Variants in TOM1L2 observed in about 807,000 individuals in gnomAD.
The protein encoded by TOM1L2 is TOM1-like protein 2.
In TOM1L2, 31 loss-of-function variants were observed where a neutral mutation model predicts 67.9. The ratio of observed to expected loss-of-function variants is 0.46; its 90% CI spans 0.34 to 0.62. The LOEUF is 0.62. Among genes scored for constraint, TOM1L2 ranks in the 20% least tolerant of loss-of-function variants. The pLI, the probability that TOM1L2 is intolerant of heterozygous loss-of-function variation, is 0.01. For missense variants in TOM1L2, 606 were observed against 663.5 expected, an observed-to-expected ratio of 0.91 and a Z score of 0.95; for synonymous variants, 256 against 254.0, an observed-to-expected ratio of 1.01 and a Z score of -0.07.
At chr17:17,862,963 T>TGGGGGGGGGG in intron 10 of TOM1L2, 115 bp from the exon 11 acceptor site, 1 of 176,174 alleles carries the variant, frequency 5.7e-6, no homozygotes, top group Admixed American at 7.5e-5. Flanking sequence ...ATGGGGAGGG[T>TGGGGGGGGGG]GGGGCGGGAC....
At chr17:17,922,163 C>T (rs1165408137) in intron 1 of TOM1L2, among the ~76,000 whole-genome samples, 1 of 152,192 alleles carries the variant, frequency 6.6e-6, no homozygotes, top group African/African-American at 2.4e-5. Context: ...ATCCAGGACA[C>T]AGGGCACAGA....
In TOM1L2 at chr17:17,861,459, CAG is replaced by C. The variant is rs1332463069; in HGVS notation, c.1278+15_1278+16del. ...CTCCAGAAGACTCCAGGCAGAAAAACAGGGTTAAAGACCTACCCCTTCTGAAC... is the reference window on the plus strand; with the variant it reads ...CTCCAGAAGACTCCAGGCAGAAAAACGGTTAAAGACCTACCCCTTCTGAAC... On this transcript the variant is annotated intron_variant, in intron 12 of 14. Transcript: ENST00000379504. 1 of 1,611,602 alleles carries C rather than the reference CAG, an allele frequency of 6.2e-7. No homozygotes were observed. Among genetic ancestry groups the C allele is most frequent in the Non-Finnish European group, 8.5e-7 (1 of 1,178,380 alleles).
chr17:17,930,207 C>A (rs2040269129), intron 1 of TOM1L2, among the ~76,000 whole-genome samples: 1 of 152,202 alleles, frequency 6.6e-6, no homozygotes, highest in Non-Finnish European at 1.5e-5. Flanking sequence ...ATTATGCAGT[C>A]ATTTTACCGA....
intron 7 of TOM1L2, among the ~76,000 whole-genome samples, chr17:17,876,382 T>C (rs1243982504): frequency 6.6e-6 from 1 of 152,212 alleles, no homozygotes; most frequent in African/African-American, 2.4e-5. Context: ...CTCCCTGTGG[T>C]GGGCTGCCAA....
intron 1 of TOM1L2, among the ~76,000 whole-genome samples, chr17:17,936,612 T>C (rs928079777): frequency 1.3e-5 from 2 of 152,130 alleles, no homozygotes; most frequent in African/African-American, 4.8e-5. Context: ...ATTAGAGGAA[T>C]GGTAACATGA....
intron 10 of TOM1L2, among the ~76,000 whole-genome samples, chr17:17,865,813 C>CGGCTCA (rs2036817503): frequency 7.1e-6 from 1 of 141,714 alleles, no homozygotes; most frequent in African/African-American, 2.6e-5. Flanking sequence ...GATGCGATAT[C>CGGCTCA]GGCTCACTGC....
At chr17:17,866,458 T>TG (rs751704990) in intron 9 of TOM1L2, 39 bp from the exon 10 acceptor site, 4 of 1,543,446 alleles carry the variant, frequency 2.6e-6, no homozygotes, top group Non-Finnish European at 3.5e-6. Flanking sequence ...CCCAGAACCC[T>TG]GGAGTCAGGC....
chr17:17,893,916 T>C lies in TOM1L2; in HGVS notation c.217-106A>G, dbSNP rs2038422872. On this transcript the variant is annotated intron_variant, in intron 3 of 14. Transcript: ENST00000379504. ...TCCACCATCCCCTCTGTCTTGCTCC[T>C]AGATCAGCTTTCTGACACGTCTCCT... is the stretch of plus-strand genomic sequence containing the variant. 2.5e-6 allele frequency: 3 copies of C among 1,196,114 alleles called. No homozygotes were observed. In the South Asian group the frequency reaches 4.5e-5, roughly 18 times the overall value. 74.1% of individuals were successfully genotyped at this position (1,196,114 alleles called of 1,614,324 possible).
intron 4 of TOM1L2, among the ~76,000 whole-genome samples, chr17:17,889,314 C>A (rs984327203): frequency 1.3e-5 from 2 of 152,168 alleles, no homozygotes; most frequent in African/African-American, 4.8e-5. Flanking sequence ...GGCAAAGGTG[C>A]CACTGGGTAG....
At chr17:17,864,499 C>CG (rs531567930) in intron 10 of TOM1L2, among the ~76,000 whole-genome samples, 57 of 151,248 alleles carry the variant, frequency 3.8e-4, no homozygotes, top group African/African-American at 1.2e-3. Flanking sequence ...CGTTAGCCAC[C>CG]GCACCCGGCT....
chr17:17,946,839 C>T (rs1187614304), intron 1 of TOM1L2, among the ~76,000 whole-genome samples: 3 of 152,148 alleles, frequency 2.0e-5, no homozygotes, highest in Non-Finnish European at 4.4e-5. Flanking sequence ...ATTCTCCTGC[C>T]TCAGCCTCCC....
chr17:17,861,587 T>C (rs533791404), intron 11 of TOM1L2, 36 bp from the exon 12 acceptor site: 1 of 1,598,380 alleles, frequency 6.3e-7, no homozygotes, highest in Admixed American at 1.7e-5. Context: ...AGAGTTCATT[T>C]TCCTCCAGTG....
intron 1 of TOM1L2, among the ~76,000 whole-genome samples, chr17:17,922,441 C>T (rs192763013): frequency 2.2e-4 from 33 of 152,200 alleles, no homozygotes; most frequent in Middle Eastern, 3.4e-3. Flanking sequence ...AGACAGATCG[C>T]TCTGGTAACA....
intron 1 of TOM1L2, among the ~76,000 whole-genome samples, chr17:17,941,745 T>G (rs1484366305): frequency 2.0e-5 from 3 of 152,232 alleles, no homozygotes; most frequent in African/African-American, 7.2e-5. Flanking sequence ...AATGGATACA[T>G]AAGCCCTGTC....
chr17:17,932,148 T>A (rs1007449566), intron 1 of TOM1L2, among the ~76,000 whole-genome samples: 2 of 152,222 alleles, frequency 1.3e-5, no homozygotes. Context: ...TAATTACCTT[T>A]CATGGGTGAG....
intron 10 of TOM1L2, among the ~76,000 whole-genome samples, chr17:17,865,366 C>T (rs1161374738): frequency 6.6e-6 from 1 of 152,164 alleles, no homozygotes; most frequent in Non-Finnish European, 1.5e-5. Context: ...AACCTATCTG[C>T]CCTCCTTGAC....
chr17:17,963,803 A>G (rs2041782925), intron 1 of TOM1L2, among the ~76,000 whole-genome samples: 1 of 152,264 alleles, frequency 6.6e-6, no homozygotes, highest in South Asian at 2.1e-4. Flanking sequence ...CACATGATAA[A>G]TAACACAAGA....
intron 1 of TOM1L2, among the ~76,000 whole-genome samples, chr17:17,926,370 G>A (rs1199580280): frequency 6.6e-6 from 1 of 152,074 alleles, no homozygotes. Context: ...AGGGTACCCA[G>A]CTAGTTAAGG....
At chr17:17,899,784 TTTG>T (rs1359019669) in intron 2 of TOM1L2, among the ~76,000 whole-genome samples, 1 of 152,212 alleles carries the variant, frequency 6.6e-6, no homozygotes, top group Non-Finnish European at 1.5e-5. Context: ...AGCTTGCACG[TTTG>T]TTAAGTCAGG....
Sources: gnomAD v4.1 joint callset for allele counts (sites outside exome capture counted in the v4.1 genomes callset) on GRCh38, gnomAD v4.1.1 for gene constraint, MANE v1.5 for transcripts, NCBI Gene and HGNC (gene_info 2026-07-23, HGNC 2026-07-21) for gene names.